Variants in APIP observed in about 807,000 individuals in gnomAD.
The protein encoded by APIP is methylthioribulose-1-phosphate dehydratase.
In APIP, 32 loss-of-function variants were observed where a neutral mutation model predicts 32.0. The observed-to-expected ratio is 1.00, with a 90% CI of 0.76 to 1.34. The LOEUF (loss-of-function observed/expected upper bound fraction) is 1.34, where lower values mean the gene tolerates loss of function less well. Among genes scored for constraint, APIP ranks in the 40% most tolerant of loss-of-function variants. The probability of loss-of-function intolerance (pLI) is 0.00; values close to 1 mark genes in which losing one functional copy is unlikely to be tolerated. For synonymous variants in APIP, 92 were observed against 94.8 expected (o/e 0.97, Z 0.17); for missense variants, 247 against 298.6 (o/e 0.83, Z 1.27).
chr11:34,909,564 G>T (rs528825886), intron 1 of APIP, among the ~76,000 whole-genome samples: 1 of 152,236 alleles, frequency 6.6e-6, no homozygotes, highest in South Asian at 2.1e-4. Context: ...GTTTTGTGTT[G>T]AGAGAGGCAA....
chr11:34,882,776 T>C lies in APIP; in HGVS notation c.670A>G (p.Met224Val). 6.2e-7 allele frequency: 1 copy of C among 1,611,000 alleles called. No homozygotes were observed. The highest frequency in any genetic ancestry group is 8.5e-7 in the Non-Finnish European group (1 of 1,177,952). ...YDYLFDIAVS[M>V]KKVGLDPSQL... ...GAAGGATCAAGTCCTACTTTCTTCATTGATACGGCAATATCAAATAAATAG... is the reference window on the plus strand; with the variant it reads ...GAAGGATCAAGTCCTACTTTCTTCACTGATACGGCAATATCAAATAAATAG... Residue 224 changes from methionine (M) to valine (V), a missense_variant, in exon 7 of 7, where the codon ATG (methionine) becomes GTG (valine). Physicochemically the swap from Met to Val is conservative, Grantham distance 21. Transcript: ENST00000395787.
chr11:34,885,969 A>G (rs1403732415), intron 5 of APIP, among the ~76,000 whole-genome samples: 1 of 152,240 alleles, frequency 6.6e-6, no homozygotes, highest in Non-Finnish European at 1.5e-5. Flanking sequence ...AAAGTACAGC[A>G]CATACAATTA....
At chr11:34,912,010 G>A (rs1026959299) in intron 1 of APIP, among the ~76,000 whole-genome samples, 4 of 152,074 alleles carry the variant, frequency 2.6e-5, no homozygotes, top group African/African-American at 9.7e-5. Flanking sequence ...TCAATATACG[G>A]TTTCTGAGTA....
chr11:34,886,610 C>G (rs1345876513), intron 5 of APIP, among the ~76,000 whole-genome samples: 1 of 152,200 alleles, frequency 6.6e-6, no homozygotes, highest in Non-Finnish European at 1.5e-5. Context: ...CACTTATTCA[C>G]CCAGAACAAC....
intron 1 of APIP, among the ~76,000 whole-genome samples, chr11:34,906,806 C>T (rs1265291251): frequency 6.6e-6 from 1 of 152,196 alleles, no homozygotes; most frequent in Non-Finnish European, 1.5e-5. Flanking sequence ...GCTACAATTC[C>T]TCTTTAATGA....
intron 2 of APIP, among the ~76,000 whole-genome samples, chr11:34,893,430 TACAGTTGGGAA>T (rs1397887118): frequency 6.6e-6 from 1 of 152,226 alleles, no homozygotes; most frequent in African/African-American, 2.4e-5. Context: ...TTATAAATAA[TACAGTTGGGAA>T]ACTATATTAC....
intron 1 of APIP, 85 bp downstream of exon 1, chr11:34,916,143 G>C: frequency 6.5e-7 from 1 of 1,527,036 alleles, no homozygotes; most frequent in South Asian, 1.2e-5. Flanking sequence ...CGCCCGGCCC[G>C]CTACCCTGCG....
At chr11:34,912,664 A>T (rs985390058) in intron 1 of APIP, among the ~76,000 whole-genome samples, 1 of 152,072 alleles carries the variant, frequency 6.6e-6, no homozygotes, top group Non-Finnish European at 1.5e-5. Flanking sequence ...GAAAAGGGAG[A>T]CTGGCCTAGC....
chr11:34,885,079 CTATAA>C (rs3044738), intron 5 of APIP, among the ~76,000 whole-genome samples: 33,971 of 147,776 alleles, frequency 0.23, 4,876 homozygotes, highest in Non-Finnish European at 0.34. Flanking sequence ...CATTATACAA[CTATAA>C]TATATGTATA....
At chr11:34,892,908 G>T (rs1349274461) in intron 2 of APIP, among the ~76,000 whole-genome samples, 2 of 151,972 alleles carry the variant, frequency 1.3e-5, no homozygotes, top group Non-Finnish European at 2.9e-5. Flanking sequence ...GACTTATTAA[G>T]TCATTTAAAT....
intron 1 of APIP, among the ~76,000 whole-genome samples, chr11:34,905,855 T>C (rs747219464): frequency 6.6e-6 from 1 of 152,152 alleles, no homozygotes; most frequent in Non-Finnish European, 1.5e-5. Context: ...TGTTTGCTAA[T>C]AGTAGCGGCT....
At chr11:34,888,496 C>T in intron 4 of APIP, 68 bp from the exon 5 acceptor site, 2 of 1,566,332 alleles carry the variant, frequency 1.3e-6, no homozygotes, top group African/African-American at 1.4e-5. Flanking sequence ...GAAAAAAAGT[C>T]CATATAGTTA....
intron 1 of APIP, among the ~76,000 whole-genome samples, chr11:34,904,844 A>G (rs1281938400): frequency 6.6e-6 from 1 of 152,214 alleles, no homozygotes; most frequent in Non-Finnish European, 1.5e-5. Context: ...CTGACAACCC[A>G]GAGGAATGCC....
intron 5 of APIP, among the ~76,000 whole-genome samples, chr11:34,885,653 T>C (rs1428750839): frequency 6.6e-6 from 1 of 152,200 alleles, no homozygotes; most frequent in Non-Finnish European, 1.5e-5. Context: ...CAATAGGCTC[T>C]AGATTTCTCA....
intron 2 of APIP, 142 bp from the exon 3 acceptor site, chr11:34,890,694 T>C (rs536554600): frequency 1.5e-5 from 12 of 812,980 alleles, no homozygotes; most frequent in African/African-American, 5.3e-5. Context: ...TTTGGCTGCA[T>C]AGAAAGAAAG....
At chr11:34,908,305 T>C (rs1414646981) in intron 1 of APIP, among the ~76,000 whole-genome samples, 3 of 152,208 alleles carry the variant, frequency 2.0e-5, no homozygotes, top group Non-Finnish European at 1.5e-5. Flanking sequence ...AACTCCAAGA[T>C]ACCCAGTAAA....
At chr11:34,888,558 T>A in intron 4 of APIP, 130 bp from the exon 5 acceptor site, 1 of 1,374,438 alleles carries the variant, frequency 7.3e-7, no homozygotes, top group Non-Finnish European at 9.7e-7. Context: ...ATGGAATAAG[T>A]TGGTAGTAGG....
chr11:34,888,574 G>C, intron 4 of APIP, 146 bp from the exon 5 acceptor site: 1 of 1,284,034 alleles, frequency 7.8e-7, no homozygotes, highest in Middle Eastern at 2.7e-4. Context: ...GTAGGCAGGA[G>C]GGTAAGTGGA....
intron 1 of APIP, among the ~76,000 whole-genome samples, chr11:34,907,624 G>A (rs187291843): frequency 6.6e-6 from 1 of 152,216 alleles, no homozygotes; most frequent in East Asian, 1.9e-4. Context: ...ATTTTAACAA[G>A]AATTGACAAG....
Sources: allele counts gnomAD v4.1 joint callset (sites outside exome capture counted in the v4.1 genomes callset), GRCh38; gene constraint gnomAD v4.1.1; transcripts MANE v1.5; gene names NCBI Gene and HGNC (gene_info 2026-07-23, HGNC 2026-07-21).